The following ARHGEF12 variants were observed in gnomAD, a reference collection of about 807,000 sequenced individuals.
ARHGEF12 encodes the protein Rho guanine nucleotide exchange factor 12, also known as KMT2A/ARHGEF12 fusion protein.
A neutral mutation model predicts 211.2 loss-of-function variants in ARHGEF12; 66 were observed. The observed-to-expected ratio is 0.31, with a 90% CI of 0.26 to 0.38. The LOEUF (loss-of-function observed/expected upper bound fraction) is 0.38, where lower values mean the gene tolerates loss of function less well. Ranked by LOEUF, ARHGEF12 falls within the 10% of genes least tolerant of loss-of-function variation. The probability of loss-of-function intolerance (pLI) is 1.00; values close to 1 mark genes in which losing one functional copy is unlikely to be tolerated. For missense variants in ARHGEF12, 1,429 were observed against 1,869.5 expected (o/e 0.76, Z 4.34); for synonymous variants, 592 against 638.4 (o/e 0.93, Z 1.09).
chr11:120,389,384 A>G (rs1944139606), intron 1 of ARHGEF12, among the ~76,000 whole-genome samples: 2 of 152,128 alleles, frequency 1.3e-5, no homozygotes. Context: ...TGCCTAACCC[A>G]AGGTCACACC....
Position 120,420,757 on chromosome 11 carries a change from T to C in ARHGEF12, c.204T>C (p.Leu68=). 6.2e-7 allele frequency: 1 copy of C among 1,613,948 alleles called. No individual in the cohort carries two copies. Among genetic ancestry groups the C allele is most frequent in the Non-Finnish European group, 8.5e-7 (1 of 1,179,850 alleles). The change falls in exon 5 of 41, where the codon CTT becomes CTC. Residue 68 remains leucine, a synonymous_variant. Coordinates refer to ENST00000397843, the MANE Select transcript of ARHGEF12 (RefSeq NM_015313.3). ...TACACTGTGGTTCTTGTGCAGGTCT[T>C]GTTCAGCGTTGCGTAATCATCCAGA... ...SEESRSEIYG[L]VQRCVIIQKD... is the part of the protein sequence containing the mutation.
intron 12 of ARHGEF12, 38 bp from the exon 13 acceptor site, chr11:120,440,091 A>T (rs752513034): frequency 7.0e-7 from 1 of 1,427,590 alleles, no homozygotes; most frequent in African/African-American, 1.4e-5. Flanking sequence ...TTTGACCACC[A>T]GGTAATTTTT....
At chr11:120,340,533 C>G (rs535710474) in intron 1 of ARHGEF12, among the ~76,000 whole-genome samples, 24 of 151,980 alleles carry the variant, frequency 1.6e-4, no homozygotes, top group Non-Finnish European at 2.8e-4. Context: ...CTTTATATGC[C>G]TGTACCCAGT....
intron 22 of ARHGEF12, among the ~76,000 whole-genome samples, chr11:120,456,861 G>A (rs1946378519): frequency 6.6e-6 from 1 of 152,086 alleles, no homozygotes; most frequent in Non-Finnish European, 1.5e-5. Context: ...AGGTGTGTGT[G>A]GTGGCACGCA....
At chr11:120,482,971 G>A (rs891310225) in intron 39 of ARHGEF12, among the ~76,000 whole-genome samples, 1 of 151,896 alleles carries the variant, frequency 6.6e-6, no homozygotes, top group Non-Finnish European at 1.5e-5. Context: ...ATGAGATATC[G>A]ACAAGCCCAT....
intron 38 of ARHGEF12, among the ~76,000 whole-genome samples, chr11:120,480,852 G>A (rs1046764993): frequency 1.3e-5 from 2 of 152,280 alleles, no homozygotes; most frequent in Admixed American, 1.3e-4. Context: ...ATAAAGCCGG[G>A]TGGGTACCTG....
At chr11:120,484,304 A>T (rs1241137571) in intron 39 of ARHGEF12, 134 bp from the exon 40 acceptor site, 1 of 658,490 alleles carries the variant, frequency 1.5e-6, no homozygotes, top group East Asian at 2.8e-5. Flanking sequence ...ATTTTTAATG[A>T]TGAAGTTAAT....
chr11:120,457,870 A>C (rs1565497153), intron 24 of ARHGEF12, 114 bp downstream of exon 24: 1 of 1,230,330 alleles, frequency 8.1e-7, no homozygotes, highest in African/African-American at 1.5e-5. Context: ...TCTGTTATGT[A>C]GTATAAAAGA....
chr11:120,451,674 T>G lies in ARHGEF12; in HGVS notation c.2006T>G (p.Val669Gly). ...GYLPANSMSSVASGASFSQEG... is the reference protein window; with the variant it reads ...GYLPANSMSSGASGASFSQEG... ...CTGCCTGCCAATTCCATGTCTTCTG[T>G]AGCTTCAGGGGCCTCTTTTTCCCAG... Residue 669 changes from valine (V) to glycine (G), a missense_variant, in exon 22 of 41, where the codon GTA (valine) becomes GGA (glycine). Physicochemically the swap from Val to Gly is moderately radical, Grantham distance 109. Transcript: ENST00000397843. 6.2e-7 allele frequency: 1 copy of G among 1,614,040 alleles called. No individual in the cohort carries two copies. The highest frequency in any genetic ancestry group is 1.3e-5 in the African/African-American group (1 of 75,000).
Position 120,437,399 on chromosome 11 carries a change from T to C in ARHGEF12, c.999+17T>C, listed in dbSNP as rs546863867. On this transcript the variant is annotated intron_variant, in intron 12 of 40. Transcript: ENST00000397843. ...CAGGACACTGTGAGTATGAAATCCA[T>C]GCAATGATAGTGCTGTCTTTGGCTT... is the stretch of plus-strand genomic sequence containing the variant. 1.3e-6 allele frequency: 2 copies of C among 1,598,942 alleles called. No homozygotes were observed. The highest frequency in any genetic ancestry group is 1.7e-6 in the Non-Finnish European group (2 of 1,168,668).
rs1438590115 is a variant in ARHGEF12 at position 120,396,955 on chromosome 11, G to A, written c.33-9163G>A. Among the ~76,000 whole-genome samples the A allele has an allele frequency of 2.0e-5, 3 of 152,176 alleles. No individual in the cohort carries two copies. In the East Asian group the frequency reaches 5.8e-4, roughly 29 times the overall value. On this transcript the variant is annotated intron_variant, in intron 1 of 40. Transcript: ENST00000397843. ...AACTGAGAATCTCTATATGAGTTTA[G>A]TGCTTTTCACATACTACCTAAGAAA...
intron 1 of ARHGEF12, among the ~76,000 whole-genome samples, chr11:120,401,567 A>T (rs1283902558): frequency 2.0e-5 from 3 of 152,228 alleles, no homozygotes. Flanking sequence ...AATCCAGCCC[A>T]CAGGATGCCT....
chr11:120,439,764 T>A (rs1378359963), intron 12 of ARHGEF12: 2 of 160,034 alleles, frequency 1.2e-5, no homozygotes, highest in Non-Finnish European at 2.7e-5. Context: ...AAGCCAACTT[T>A]ATTTTTTTCT....
chr11:120,347,149 TTC>T (rs879362098), intron 1 of ARHGEF12, among the ~76,000 whole-genome samples: 3,025 of 47,096 alleles, frequency 0.064, 160 homozygotes, highest in Non-Finnish European at 0.071. Flanking sequence ...CCTTCCTTCC[TTC>T]CTTCCTTCCT....
At chr11:120,478,652 A>C (rs1404479984) in intron 37 of ARHGEF12, among the ~76,000 whole-genome samples, 1 of 152,224 alleles carries the variant, frequency 6.6e-6, no homozygotes, top group Non-Finnish European at 1.5e-5. Context: ...AAAAAGGCTG[A>C]GAACAATTTC....
At chr11:120,481,094 T>C (rs982726940) in intron 38 of ARHGEF12, among the ~76,000 whole-genome samples, 166 bp from the exon 39 acceptor site, 5 of 152,168 alleles carry the variant, frequency 3.3e-5, no homozygotes, top group Non-Finnish European at 7.4e-5. Flanking sequence ...GAGTTTAGCT[T>C]TCATCTGAAG....
At chr11:120,432,819 C>T (rs1364118253) in intron 11 of ARHGEF12, among the ~76,000 whole-genome samples, 2 of 152,190 alleles carry the variant, frequency 1.3e-5, no homozygotes, top group Non-Finnish European at 2.9e-5. Flanking sequence ...AAAAGGAAGC[C>T]GTGGTCTAAG....
chr11:120,442,016 T>A (rs181376917), intron 14 of ARHGEF12, 88 bp from the exon 15 acceptor site: 60 of 973,000 alleles, frequency 6.2e-5, no homozygotes, highest in Non-Finnish European at 7.7e-6. Flanking sequence ...ACCTACCTGT[T>A]CCAGACATTC....
At chr11:120,461,974 T>G (rs1946548827) in intron 27 of ARHGEF12, among the ~76,000 whole-genome samples, 1 of 104,378 alleles carries the variant, frequency 9.6e-6, no homozygotes, top group South Asian at 3.2e-4. Context: ...TTTCATCTTC[T>G]TTATACAGAC....
Sources: gnomAD v4.1 joint callset for allele counts (sites outside exome capture counted in the v4.1 genomes callset) on GRCh38, gnomAD v4.1.1 for gene constraint, MANE v1.5 for transcripts, NCBI Gene and HGNC (gene_info 2026-07-23, HGNC 2026-07-21) for gene names.